The following PPP1R13B variants were observed in gnomAD, a reference collection of about 807,000 sequenced individuals.
PPP1R13B encodes apoptosis-stimulating of p53 protein 1.
A neutral mutation model predicts 119.8 loss-of-function variants in PPP1R13B; 44 were observed. The ratio of observed to expected loss-of-function variants is 0.37; its 90% CI spans 0.29 to 0.47. The LOEUF (loss-of-function observed/expected upper bound fraction) is 0.47. Among genes scored for constraint, PPP1R13B ranks in the 20% least tolerant of loss-of-function variants. The pLI, the probability that PPP1R13B is intolerant of heterozygous loss-of-function variation, is 0.99. For missense variants in PPP1R13B, 1,227 were observed against 1,413.5 expected, an observed-to-expected ratio of 0.87 and a Z score of 2.12; for synonymous variants, 542 against 561.5, an observed-to-expected ratio of 0.97 and a Z score of 0.49.
chr14:103,779,180 T>C (rs1203281222), intron 3 of PPP1R13B, among the ~76,000 whole-genome samples: 1 of 123,644 alleles, frequency 8.1e-6, no homozygotes, highest in Non-Finnish European at 1.8e-5. Context: ...TCTCAGCTAC[T>C]TGGGGGGCTG....
In PPP1R13B at chr14:103,739,944, C is replaced by T; in HGVS notation, c.2472G>A (p.Val824=). 1 of 1,614,112 alleles carries T rather than the reference C, an allele frequency of 6.2e-7. No individual in the cohort carries two copies. The highest frequency in any genetic ancestry group is 8.5e-7 in the Non-Finnish European group (1 of 1,180,034). ...TCTGCTCCGTGGTGGGGACCGTGGC[C>T]ACGTTGTTGTTATTGTCCTCTGCCG... ...AEPAEDNNNN[V]ATVPTTEQIP... Residue 824 remains valine (V), a synonymous_variant, in exon 12 of 17, where the codon GTG becomes GTA. Transcript: ENST00000202556.
In PPP1R13B at chr14:103,738,681, T is replaced by C; in HGVS notation, c.2862A>G (p.Gly954=). 6.2e-7 allele frequency: 1 copy of C among 1,614,206 alleles called. No homozygotes were observed. The highest frequency in any genetic ancestry group is 8.5e-7 in the Non-Finnish European group (1 of 1,180,042). Residue 954 remains glycine, a splice_region_variant and synonymous_variant, in exon 14 of 17, where the codon GGA becomes GGG. Coordinates refer to ENST00000202556, the MANE Select transcript of PPP1R13B (RefSeq NM_015316.3). The surrounding 1 kb of genome is among the most constrained non-coding windows in gnomAD (Gnocchi z 5.6). ...GVNVNAADSD[G]WTPLHCAASC... ...CCCCACACTCCTACGGGCCTCACCA[T>C]CCATCACTATCAGCAGCATTCACGT...
intron 16 of PPP1R13B, among the ~76,000 whole-genome samples, chr14:103,735,634 C>T (rs1053074896): frequency 2.6e-5 from 4 of 152,202 alleles, no homozygotes; most frequent in African/African-American, 9.6e-5. Flanking sequence ...GCAGCCTGCA[C>T]GTTCCCACCT....
At chr14:103,802,226 G>A (rs554320177) in intron 1 of PPP1R13B, among the ~76,000 whole-genome samples, 16 of 152,138 alleles carry the variant, frequency 1.1e-4, no homozygotes, top group South Asian at 4.1e-4. Context: ...GGACAATGGC[G>A]TGAACCCGGG....
chr14:103,796,032 C>T (rs900072444), intron 2 of PPP1R13B, among the ~76,000 whole-genome samples: 1 of 152,150 alleles, frequency 6.6e-6, no homozygotes, highest in Non-Finnish European at 1.5e-5. Flanking sequence ...TGGTTCACAC[C>T]TGTAATCCCA....
intron 1 of PPP1R13B, among the ~76,000 whole-genome samples, chr14:103,800,238 C>T (rs1299795177): frequency 6.6e-6 from 1 of 151,998 alleles, no homozygotes; most frequent in Non-Finnish European, 1.5e-5. Flanking sequence ...ATCACTTGAT[C>T]CCAGGAATTT....
intron 9 of PPP1R13B, chr14:103,743,950 C>G (rs1324282108): frequency 6.6e-6 from 1 of 152,270 alleles, no homozygotes; most frequent in Admixed American, 6.5e-5. Context: ...AGTTATGATG[C>G]AGGCTCCAGG....
intron 2 of PPP1R13B, among the ~76,000 whole-genome samples, chr14:103,789,811 G>C (rs1225058216): frequency 6.6e-6 from 1 of 151,968 alleles, no homozygotes; most frequent in Non-Finnish European, 1.5e-5. Context: ...ACTGTGCCCA[G>C]CCTGCAATTC....
intron 1 of PPP1R13B, among the ~76,000 whole-genome samples, chr14:103,835,616 A>AT (rs35377630): frequency 0.44 from 64,911 of 147,548 alleles, 14,571 homozygotes; most frequent in African/African-American, 0.55. Context: ...TTATTTATTT[A>AT]TTTTTTTTTT....
chr14:103,769,157 C>T (rs2085006176), intron 4 of PPP1R13B, among the ~76,000 whole-genome samples: 1 of 152,158 alleles, frequency 6.6e-6, no homozygotes, highest in Non-Finnish European at 1.5e-5. Flanking sequence ...GCGATCTTGG[C>T]TCACCGCAAC....
chr14:103,774,505 T>C (rs1427410314), intron 4 of PPP1R13B, among the ~76,000 whole-genome samples: 1 of 152,184 alleles, frequency 6.6e-6, no homozygotes, highest in African/African-American at 2.4e-5. Context: ...TATAGCATAA[T>C]GACAAACCAG....
At chr14:103,814,939 C>T (rs749036360) in intron 1 of PPP1R13B, among the ~76,000 whole-genome samples, 28 of 146,322 alleles carry the variant, frequency 1.9e-4, no homozygotes, top group East Asian at 4.0e-4. Flanking sequence ...AGCAAGACTC[C>T]GTCTCACAAA....
Position 103,742,959 on chromosome 14 carries a change from C to T in PPP1R13B, c.1151-136G>A. 1.1e-6 allele frequency: 1 copy of T among 950,784 alleles called. No homozygotes were observed. Among genetic ancestry groups the T allele is most frequent in the South Asian group, 1.6e-5 (1 of 63,858 alleles). The allele number at this position is 950,784 out of a possible 1,614,324, so 58.9% of individuals were successfully genotyped here. Reference sequence around the variant, plus strand: ...CAGATCCATTAACCGAGTGGTCAACCACCAGCCACATGCACAACTGCTGAT... The same window carrying T: ...CAGATCCATTAACCGAGTGGTCAACTACCAGCCACATGCACAACTGCTGAT... On this transcript the variant is annotated intron_variant, in intron 9 of 16. Transcript: ENST00000202556. The surrounding 1 kb of genome is among the most constrained non-coding windows in gnomAD (Gnocchi z 4.9).
intron 2 of PPP1R13B, among the ~76,000 whole-genome samples, chr14:103,792,168 T>TTGTGTGTGTGTG (rs1197556180): frequency 1.6e-5 from 1 of 62,406 alleles, no homozygotes; most frequent in African/African-American, 6.8e-5. Context: ...CCTCTATTCA[T>TTGTGTGTGTGTG]CGTGTGTGTG....
upstream of PPP1R13B, chr14:103,847,786 C>T (rs555484559): frequency 2.0e-3 from 544 of 272,970 alleles, 2 homozygotes; most frequent in African/African-American, 0.012. Flanking sequence ...GAGGGGCGGA[C>T]GCGCAGTGGG....
Position 103,734,732 on chromosome 14 carries a change from A to G in PPP1R13B, c.*422T>C. On this transcript the variant is annotated 3_prime_UTR_variant, in exon 17 of 17. Transcript: ENST00000202556. ...GAAAGGATGAGTGTCCGATTCGGTG[A>G]CGGGGGGCAGGGCGGTCGCAGGGGA... The G allele has an allele frequency of 2.2e-6, 1 of 461,176 alleles. No homozygotes were observed. Among genetic ancestry groups the G allele is most frequent in the South Asian group, 1.5e-5 (1 of 64,586 alleles). 28.6% of individuals were successfully genotyped at this position (461,176 alleles called of 1,614,324 possible).
Position 103,829,179 on chromosome 14 carries a change from A to T in PPP1R13B, c.9+18120T>A, listed in dbSNP as rs74896280. Among the ~76,000 whole-genome samples the T allele has an allele frequency of 3.5e-4, 53 of 152,248 alleles. 1 individual carries two copies. The East Asian group carries it at 9.8e-3, about 28-fold the overall frequency. ...AAAACCATCCTCTCAAAATTTTTCT[A>T]ATTTTAATTATAAATCTAAATCCTT... On this transcript the variant is annotated intron_variant, in intron 1 of 16. Coordinates refer to ENST00000202556, the MANE Select transcript of PPP1R13B (RefSeq NM_015316.3).
intron 5 of PPP1R13B, among the ~76,000 whole-genome samples, chr14:103,757,061 C>CTTT (rs772002409): frequency 4.8e-4 from 69 of 142,446 alleles, no homozygotes; most frequent in Non-Finnish European, 9.1e-4. Flanking sequence ...TGCACCCAGC[C>CTTT]TTTTTTTTTT....
Position 103,740,308 on chromosome 14 carries a change from C to T in PPP1R13B, c.2108G>A (p.Arg703Gln), listed in dbSNP as rs1174165154. 1.3e-6 allele frequency: 2 copies of T among 1,579,446 alleles called. No homozygotes were observed. Among genetic ancestry groups the T allele is most frequent in the African/African-American group, 1.4e-5 (1 of 73,796 alleles). ...ALRRKLANAP[R>Q]PLKKRSSITE... ...GATGGAGCTGCGCTTTTTCAGGGGC[C>T]GGGGCGCGTTGGCCAGCTTCCTGCG... The change falls in exon 12 of 17, where the codon CGG becomes CAG. Residue 703 changes from arginine (R) to glutamine (Q), a missense_variant. Coordinates refer to ENST00000202556, the MANE Select transcript of PPP1R13B (RefSeq NM_015316.3). This position sits in a 1 kb window ranked among gnomAD's most constrained non-coding sequence, Gnocchi z 4.6.
Sources: gnomAD v4.1 joint callset for allele counts (sites outside exome capture counted in the v4.1 genomes callset) on GRCh38, gnomAD v4.1.1 for gene constraint, Gnocchi (gnomAD v3.1) non-coding constraint, MANE v1.5 for transcripts, NCBI Gene and HGNC (gene_info 2026-07-23, HGNC 2026-07-21) for gene names.